Variants in NR2C2AP observed in about 807,000 individuals in gnomAD.
NR2C2AP encodes nuclear receptor 2C2-associated protein.
A neutral mutation model predicts 19.1 loss-of-function variants in NR2C2AP; 13 were observed. The ratio of observed to expected loss-of-function variants is 0.68; its 90% CI spans 0.44 to 1.08. The LOEUF is 1.08. Ranked by LOEUF, NR2C2AP falls within the 50% of genes least tolerant of loss-of-function variation. The probability of loss-of-function intolerance (pLI) is 0.00; values close to 1 mark genes in which losing one functional copy is unlikely to be tolerated. For missense variants in NR2C2AP, 181 were observed against 172.7 expected (o/e 1.05, Z -0.27); for synonymous variants, 81 against 64.4 (o/e 1.26, Z -1.23).
At chr19:19,202,158 T>C in intron 4 of NR2C2AP, 117 bp from the exon 5 acceptor site, 1 of 1,252,448 alleles carries the variant, frequency 8.0e-7, no homozygotes, top group South Asian at 1.3e-5. Flanking sequence ...AAGCTGCAGG[T>C]CCCTCTAAGC....
At position 19,202,552 on chromosome 19, in the gene NR2C2AP, C is replaced by T; in HGVS notation, c.153G>A (p.Leu51=). 1 of 1,613,308 alleles carries T rather than the reference C, an allele frequency of 6.2e-7. No individual in the cohort carries two copies. The highest frequency in any genetic ancestry group is 2.2e-5 in the East Asian group (1 of 44,864). Residue 51 remains leucine (L), a synonymous_variant, in exon 3 of 5, where the codon CTG becomes CTA. Coordinates refer to ENST00000331552, the MANE Select transcript of NR2C2AP (RefSeq NM_176880.6). The stretch of plus-strand genomic sequence containing the variant: ...AGACACGGATGAGCTGGGGAAACTC[C>T]AGCGTCACCCACTGGGAGGGGCCCT... ...SDQGPSQWVT[L]EFPQLIRVSQ...
intron 4 of NR2C2AP, 109 bp from the exon 5 acceptor site, chr19:19,202,150 G>T: frequency 7.8e-7 from 1 of 1,281,810 alleles, no homozygotes; most frequent in Non-Finnish European, 1.1e-6. Flanking sequence ...ACCTGGGGAA[G>T]CTGCAGGTCC....
In NR2C2AP at chr19:19,201,969, G is replaced by C; in HGVS notation, c.376C>G (p.Arg126Gly). 1 of 1,614,162 alleles carries C rather than the reference G, an allele frequency of 6.2e-7. No homozygotes were observed. Among genetic ancestry groups the C allele is most frequent in the Non-Finnish European group, 8.5e-7 (1 of 1,180,020 alleles). Residue 126 changes from arginine to glycine, a missense_variant, in exon 5 of 5, where the codon CGT becomes GGT. Physicochemically the swap from Arg to Gly is moderately radical, Grantham distance 125. Coordinates refer to ENST00000331552, the MANE Select transcript of NR2C2AP (RefSeq NM_176880.6). ...ACCCGCAGGTGGTAGATGACCACAC[G>C]GCCAAAAAAGTCAGTGGCATCCTCA... ...TFEDATDFFGRVVIYHLRVLG... is the reference protein window; with the variant it reads ...TFEDATDFFGGVVIYHLRVLG...
chr19:19,203,127 C>T lies in NR2C2AP; in HGVS notation c.-67G>A, dbSNP rs1670284031. The stretch of plus-strand genomic sequence containing the variant: ...GCCTTGGTTCGAATCCCGGCGCCTC[C>T]TCAAGCTACAGGGCGGCGCGATCTT... On this transcript the variant is annotated 5_prime_UTR_variant, in exon 1 of 5. Transcript: ENST00000331552. The T allele has an allele frequency of 1.3e-6, 2 of 1,569,178 alleles. No homozygotes were observed. The highest frequency in any genetic ancestry group is 1.4e-5 in the African/African-American group (1 of 73,830).
rs748843879 is a variant in NR2C2AP, at chr19:19,202,832, G to C, written c.88C>G (p.Leu30Val). 3 of 1,613,892 alleles carry C rather than the reference G, an allele frequency of 1.9e-6. No homozygotes were observed. Among genetic ancestry groups the C allele is most frequent in the South Asian group, 1.1e-5 (1 of 91,078 alleles). ...CATGTCTCCTCATCCTGGTCGAAAA[G>C]ATGTTTTTTTCCAAACTGCCGAGTG... ...RNTRQFGKKHLFDQDEETCWN... is the reference protein window; with the variant it reads ...RNTRQFGKKHVFDQDEETCWN... The change falls in exon 2 of 5, where the codon CTT (leucine) becomes GTT (valine). Residue 30 changes from leucine to valine, a missense_variant. By Grantham distance (32) the Leu-to-Val change is conservative (BLOSUM62 1). Coordinates refer to ENST00000331552, the MANE Select transcript of NR2C2AP (RefSeq NM_176880.6).
chr19:19,201,580 G>A lies in NR2C2AP; in HGVS notation c.*345C>T, dbSNP rs1435607183. 1 of 1,611,692 alleles carries A rather than the reference G, an allele frequency of 6.2e-7. No individual in the cohort carries two copies. The highest frequency in any genetic ancestry group is 1.7e-5 in the Admixed American group (1 of 60,022). ...GTTTGTCCCCTAAGGGGAGAGCGCAGGTTGGCCTGTGCCTCCACCCCACTC... is the reference window on the plus strand; with the variant it reads ...GTTTGTCCCCTAAGGGGAGAGCGCAAGTTGGCCTGTGCCTCCACCCCACTC... On this transcript the variant is annotated 3_prime_UTR_variant, in exon 5 of 5. Coordinates refer to ENST00000331552, the MANE Select transcript of NR2C2AP (RefSeq NM_176880.6).
intron 2 of NR2C2AP, 36 bp from the exon 3 acceptor site, chr19:19,202,611 C>T (rs763508283): frequency 3.2e-6 from 5 of 1,558,664 alleles, no homozygotes; most frequent in Non-Finnish European, 4.4e-6. Flanking sequence ...CGCAAGCTCA[C>T]TGCAGGCACA....
In NR2C2AP at chr19:19,203,231, T is replaced by A; in HGVS notation, c.-171A>T. 1 of 684,666 alleles carries A rather than the reference T, an allele frequency of 1.5e-6. No individual in the cohort carries two copies. The highest frequency in any genetic ancestry group is 2.6e-6 in the Non-Finnish European group (1 of 386,090). 42.4% of individuals were successfully genotyped at this position (684,666 alleles called of 1,614,324 possible). A position where few individuals can be genotyped will look rare whatever the true frequency, so the allele number is the denominator to read the frequency against. On this transcript the variant is annotated 5_prime_UTR_variant, in exon 1 of 5. Coordinates refer to ENST00000331552, the MANE Select transcript of NR2C2AP (RefSeq NM_176880.6). ...CTCCCTCGCCCACCCCAGTCCTAAA[T>A]GTCGCCTCGATCAATCCCCTGCCGG...
chr19:19,202,955 G>C (rs2060741230), intron 1 of NR2C2AP, 68 bp downstream of exon 1: 3 of 1,609,636 alleles, frequency 1.9e-6, no homozygotes, highest in Admixed American at 3.3e-5. Context: ...CTGACCCCCA[G>C]ATCTGTCCAC....
Position 19,203,013 on chromosome 19 carries a change from A to C in NR2C2AP, c.38+10T>G. 2 of 1,614,094 alleles carry C rather than the reference A, an allele frequency of 1.2e-6. No individual in the cohort carries two copies. The highest frequency in any genetic ancestry group is 1.7e-6 in the Non-Finnish European group (2 of 1,179,986). ...GGGCCTCGCCACTGCCTGTCCCCAC[A>C]GACTCTTACCTGCTCACTGTCTCTG... On this transcript the variant is annotated intron_variant, in intron 1 of 4. Coordinates refer to ENST00000331552, the MANE Select transcript of NR2C2AP (RefSeq NM_176880.6).
chr19:19,202,002 C>T lies in NR2C2AP; in HGVS notation c.343G>A (p.Val115Met). Reference protein sequence around the residue: ...IPAAEVDRLKVTFEDATDFFG... With the variant: ...IPAAEVDRLKMTFEDATDFFG... ...AAGTCAGTGGCATCCTCAAACGTCACCTTCAGCCGGTCCACTTCAGCAGCT... is the reference window on the plus strand; with the variant it reads ...AAGTCAGTGGCATCCTCAAACGTCATCTTCAGCCGGTCCACTTCAGCAGCT... Residue 115 changes from valine to methionine, a missense_variant, in exon 5 of 5, where the codon GTG becomes ATG. Physicochemically the swap from Val to Met is conservative, Grantham distance 21. Coordinates refer to ENST00000331552, the MANE Select transcript of NR2C2AP (RefSeq NM_176880.6). 1 of 1,614,186 alleles carries T rather than the reference C, an allele frequency of 6.2e-7. No homozygotes were observed. The highest frequency in any genetic ancestry group is 8.5e-7 in the Non-Finnish European group (1 of 1,180,038).
At position 19,202,003 on chromosome 19, in the gene NR2C2AP, C is replaced by T; in HGVS notation, c.342G>A (p.Lys114=). The change falls in exon 5 of 5, where the codon AAG becomes AAA. Residue 114 remains lysine (K), a synonymous_variant. Transcript: ENST00000331552. ...PIPAAEVDRL[K]VTFEDATDFF... Reference sequence around the variant, plus strand: ...AGTCAGTGGCATCCTCAAACGTCACCTTCAGCCGGTCCACTTCAGCAGCTG... The same window carrying T: ...AGTCAGTGGCATCCTCAAACGTCACTTTCAGCCGGTCCACTTCAGCAGCTG... The T allele has an allele frequency of 6.2e-7, 1 of 1,614,202 alleles. No homozygotes were observed. The highest frequency in any genetic ancestry group is 8.5e-7 in the Non-Finnish European group (1 of 1,180,046).
rs1231900499 is a variant in NR2C2AP at position 19,203,137 on chromosome 19, A to G, written c.-77T>C. Reference sequence around the variant, plus strand: ...GAATCCCGGCGCCTCCTCAAGCTACAGGGCGGCGCGATCTTGGCTACGCCT... The same window carrying G: ...GAATCCCGGCGCCTCCTCAAGCTACGGGGCGGCGCGATCTTGGCTACGCCT... On this transcript the variant is annotated 5_prime_UTR_variant, in exon 1 of 5. Transcript: ENST00000331552. The G allele has an allele frequency of 1.5e-5, 22 of 1,512,564 alleles. No homozygotes were observed. The highest frequency in any genetic ancestry group is 1.9e-5 in the Non-Finnish European group (21 of 1,096,632). 93.7% of individuals were successfully genotyped at this position (1,512,564 alleles called of 1,614,324 possible). A position where few individuals can be genotyped will look rare whatever the true frequency, so the allele number is the denominator to read the frequency against.
intron 2 of NR2C2AP, 97 bp downstream of exon 2, chr19:19,202,694 C>G: frequency 1.4e-6 from 2 of 1,417,360 alleles, no homozygotes; most frequent in Non-Finnish European, 2.0e-6. Context: ...GCACATGTTC[C>G]TTTCCTGGCC....
rs1051891808 is a variant in NR2C2AP, at chr19:19,202,227, G to C, written c.303+104C>G. 3.2e-6 allele frequency: 4 copies of C among 1,251,670 alleles called. No individual in the cohort carries two copies. In the African/African-American group the frequency reaches 4.4e-5, roughly 14 times the overall value. The allele number at this position is 1,251,670 out of a possible 1,614,324, so 77.5% of individuals were successfully genotyped here. A position where few individuals can be genotyped will look rare whatever the true frequency, so the allele number is the denominator to read the frequency against. On this transcript the variant is annotated intron_variant, in intron 4 of 4. Coordinates refer to ENST00000331552, the MANE Select transcript of NR2C2AP (RefSeq NM_176880.6). The stretch of plus-strand genomic sequence containing the variant: ...TTTACAGAAAAAGTGGAGTCCTAGA[G>C]GTCACGTGTTCAAGATCACACATCA...
Position 19,202,852 on chromosome 19 carries a change from C to G in NR2C2AP, c.68G>C (p.Arg23Pro). The G allele has an allele frequency of 6.2e-7, 1 of 1,613,702 alleles. No individual in the cohort carries two copies. The highest frequency in any genetic ancestry group is 8.5e-7 in the Non-Finnish European group (1 of 1,180,004). ...RVSSVLNRNT[R>P]QFGKKHLFDQ... ...GAAAAGATGTTTTTTTCCAAACTGC[C>G]GAGTGTTGCGATTCAGCACTGAACT... Residue 23 changes from arginine to proline, a missense_variant, in exon 2 of 5, where the codon CGG becomes CCG. Transcript: ENST00000331552.
At chr19:19,202,621 A>T in intron 2 of NR2C2AP, 46 bp from the exon 3 acceptor site, 1 of 1,518,476 alleles carries the variant, frequency 6.6e-7, no homozygotes, top group Middle Eastern at 1.7e-4. Context: ...CTGCAGGCAC[A>T]GAGCCCTGCT....
rs1303833251 is a variant in NR2C2AP, at chr19:19,202,348, C to T, written c.286G>A (p.Asp96Asn). ...LHKIVDFYPE[D>N]NNSLQTFPIP... is the part of the protein sequence containing the mutation. ...CAGGATATCTGAAGCGAGTTGTTGT[C>T]CTCAGGGTAGAAATCTACAATCTTG... The change falls in exon 4 of 5, where the codon GAC becomes AAC. Residue 96 changes from aspartate (D) to asparagine (N), a missense_variant. Transcript: ENST00000331552. The T allele has an allele frequency of 6.2e-7, 1 of 1,614,112 alleles. No individual in the cohort carries two copies. Among genetic ancestry groups the T allele is most frequent in the East Asian group, 2.2e-5 (1 of 44,904 alleles).
rs1334176730 is a variant in NR2C2AP at position 19,203,401 on chromosome 19, G to A, written c.-341C>T. ...GAATAGCTCTTGGAGCCAAATCTTGGGACCCGGAACCGCGTGGGCTTGGCG... is the reference window on the plus strand; with the variant it reads ...GAATAGCTCTTGGAGCCAAATCTTGAGACCCGGAACCGCGTGGGCTTGGCG... On this transcript the variant is annotated 5_prime_UTR_variant, in exon 1 of 5. Coordinates refer to ENST00000331552, the MANE Select transcript of NR2C2AP (RefSeq NM_176880.6). 2 of 416,022 alleles carry A rather than the reference G, an allele frequency of 4.8e-6. No individual in the cohort carries two copies. The highest frequency in any genetic ancestry group is 2.0e-5 in the African/African-American group (1 of 49,520). The allele number at this position is 416,022 out of a possible 1,614,324, so 25.8% of individuals were successfully genotyped here. A position where few individuals can be genotyped will look rare whatever the true frequency, so the allele number is the denominator to read the frequency against.
Sources: allele counts gnomAD v4.1 joint callset, GRCh38; gene constraint gnomAD v4.1.1; transcripts MANE v1.5; gene names NCBI Gene and HGNC (gene_info 2026-07-23, HGNC 2026-07-21).